PKP4: variants seen among roughly 807,000 people sequenced by gnomAD.
The protein encoded by PKP4 is plakophilin-4.
PKP4 carries 90 observed loss-of-function variants against 145.1 expected under a neutral mutation model. That is an observed-to-expected ratio of 0.62 (90% CI 0.52 to 0.74). The LOEUF is 0.74. Among genes scored for constraint, PKP4 ranks in the 30% least tolerant of loss-of-function variants. The probability of loss-of-function intolerance (pLI) is 0.00; values close to 1 mark genes in which losing one functional copy is unlikely to be tolerated. For missense variants in PKP4, 1,340 were observed against 1,482.7 expected, an observed-to-expected ratio of 0.90 and a Z score of 1.58; for synonymous variants, 563 against 577.2, an observed-to-expected ratio of 0.98 and a Z score of 0.35.
intron 16 of PKP4, among the ~76,000 whole-genome samples, chr2:158,668,149 C>T (rs372427825): frequency 1.5e-4 from 23 of 150,706 alleles, no homozygotes; most frequent in African/African-American, 5.1e-4. Context: ...CACTGGCCTT[C>T]TGCCTCTCCA....
At position 158,532,669 on chromosome 2, in the gene PKP4, T is replaced by C. The variant is rs148040069; in HGVS notation, c.-5-511T>C. On this transcript the variant is annotated intron_variant, in intron 1 of 21. Coordinates refer to ENST00000389759, the MANE Select transcript of PKP4 (RefSeq NM_003628.6). ...TATCATAAGCTATGGGCCTAAAAAA[T>C]AGATTTTCTTTTCAACACCACATTC... Among the ~76,000 whole-genome samples the C allele has an allele frequency of 7.0e-4, 107 of 152,266 alleles. No individual in the cohort carries two copies. The East Asian group carries it at 0.019, about 27-fold the overall frequency.
intron 3 of PKP4, among the ~76,000 whole-genome samples, chr2:158,602,272 C>T (rs1322090363): frequency 2.0e-5 from 3 of 152,086 alleles, no homozygotes; most frequent in African/African-American, 7.2e-5. Context: ...CTTCGAGTTA[C>T]CAGCATGTGT....
intron 7 of PKP4, among the ~76,000 whole-genome samples, chr2:158,626,693 ATC>A (rs1188150262): frequency 6.6e-6 from 1 of 152,126 alleles, no homozygotes; most frequent in Non-Finnish European, 1.5e-5. Flanking sequence ...CAAGTTTTTC[ATC>A]TTTGCCAATC....
chr2:158,610,771 C>T (rs1036969334), intron 4 of PKP4, among the ~76,000 whole-genome samples: 1 of 152,122 alleles, frequency 6.6e-6, no homozygotes, highest in African/African-American at 2.4e-5. Flanking sequence ...TTGAGTAGAT[C>T]TGTGTAAAAT....
chr2:158,498,771 A>G (rs1490554730), intron 1 of PKP4, among the ~76,000 whole-genome samples: 3 of 150,448 alleles, frequency 2.0e-5, no homozygotes, highest in African/African-American at 7.3e-5. Flanking sequence ...GTTTGTTCAT[A>G]TAATACTGTT....
intron 2 of PKP4, among the ~76,000 whole-genome samples, chr2:158,566,014 T>G (rs2046953383): frequency 1.3e-5 from 2 of 152,178 alleles, no homozygotes; most frequent in Admixed American, 6.5e-5. Flanking sequence ...TAAATATGTT[T>G]TCTAATTCTA....
At chr2:158,674,125 A>G in intron 19 of PKP4, 125 bp downstream of exon 19, 1 of 745,026 alleles carries the variant, frequency 1.3e-6, no homozygotes, top group South Asian at 1.5e-5. Flanking sequence ...TGCAGCAGAG[A>G]ACCTTCTGTA....
chr2:158,594,465 A>G (rs1395420218), intron 3 of PKP4, among the ~76,000 whole-genome samples: 1 of 152,152 alleles, frequency 6.6e-6, no homozygotes, highest in Non-Finnish European at 1.5e-5. Flanking sequence ...CTGTTGTCAC[A>G]TTTTCACTTT....
At chr2:158,563,093 C>T (rs2046681280) in intron 2 of PKP4, among the ~76,000 whole-genome samples, 1 of 152,066 alleles carries the variant, frequency 6.6e-6, no homozygotes, top group Non-Finnish European at 1.5e-5. Context: ...GTTCATTTTA[C>T]AGCATATATA....
chr2:158,603,581 C>G (rs2050402320), intron 4 of PKP4, among the ~76,000 whole-genome samples: 1 of 151,996 alleles, frequency 6.6e-6, no homozygotes, highest in Admixed American at 6.6e-5. Context: ...TCTTTTTAAC[C>G]TAAATTCACC....
In PKP4 at chr2:158,663,365, C is replaced by T. The variant is rs750854973; in HGVS notation, c.2497C>T (p.Leu833Phe). Residue 833 changes from leucine to phenylalanine, a missense_variant, in exon 15 of 22, where the codon CTT (leucine) becomes TTT (phenylalanine). Coordinates refer to ENST00000389759, the MANE Select transcript of PKP4 (RefSeq NM_003628.6). ...HPSVVKPYLT[L>F]LAESSNPATL... ...ATCGGTGGTAAAACCATATCTGACT[C>T]TTCTAGCAGAAAGTTCCAACCCAGC... 2 of 1,613,968 alleles carry T rather than the reference C, an allele frequency of 1.2e-6. No homozygotes were observed. The highest frequency in any genetic ancestry group is 1.7e-5 in the Admixed American group (1 of 60,006).
chr2:158,601,760 C>T (rs2050251081), intron 3 of PKP4, among the ~76,000 whole-genome samples: 1 of 152,166 alleles, frequency 6.6e-6, no homozygotes. Context: ...AAAGGCAAAT[C>T]ACACACAAAA....
intron 3 of PKP4, among the ~76,000 whole-genome samples, chr2:158,600,850 T>G (rs1476731437): frequency 6.6e-6 from 1 of 152,188 alleles, no homozygotes; most frequent in Non-Finnish European, 1.5e-5. Flanking sequence ...GTACCTTAAA[T>G]GGAGGAGGGA....
At chr2:158,580,840 A>T (rs1279827258) in intron 3 of PKP4, among the ~76,000 whole-genome samples, 2 of 152,076 alleles carry the variant, frequency 1.3e-5, no homozygotes, top group African/African-American at 2.4e-5. Flanking sequence ...CTTCTTTACA[A>T]CCTTTCTCAA....
intron 1 of PKP4, among the ~76,000 whole-genome samples, chr2:158,485,124 C>T (rs2105447085): frequency 6.6e-6 from 1 of 152,256 alleles, no homozygotes. Flanking sequence ...TTTTGTGGCC[C>T]ACCCTTCTCT....
chr2:158,492,047 A>G (rs550682522), intron 1 of PKP4, among the ~76,000 whole-genome samples: 1 of 152,256 alleles, frequency 6.6e-6, no homozygotes, highest in South Asian at 2.1e-4. Context: ...AGGCTGAAAT[A>G]GTCCTCCTAT....
chr2:158,662,819 G>A, intron 13 of PKP4, 78 bp from the exon 14 acceptor site: 1 of 1,072,568 alleles, frequency 9.3e-7, no homozygotes, highest in Non-Finnish European at 1.3e-6. Context: ...TTTATTTCCT[G>A]TCTGTAGTGT....
chr2:158,560,023 C>T (rs559458750), intron 2 of PKP4, among the ~76,000 whole-genome samples: 1 of 152,054 alleles, frequency 6.6e-6, no homozygotes, highest in Admixed American at 6.5e-5. Context: ...TGCACCACCA[C>T]GCCTGGCTAA....
chr2:158,512,301 A>T (rs1430505983), intron 1 of PKP4, among the ~76,000 whole-genome samples: 1 of 152,264 alleles, frequency 6.6e-6, no homozygotes, highest in Admixed American at 6.5e-5. Context: ...TATTAGACAT[A>T]GACAATATCT....
Sources: gnomAD v4.1 joint callset for allele counts (sites outside exome capture counted in the v4.1 genomes callset) on GRCh38, gnomAD v4.1.1 for gene constraint, MANE v1.5 for transcripts, NCBI Gene and HGNC (gene_info 2026-07-23, HGNC 2026-07-21) for gene names.